Variants in HECA observed in about 807,000 individuals in gnomAD.
HECA encodes headcase protein homolog.
In HECA, 13 loss-of-function variants were observed where a neutral mutation model predicts 37.6. The ratio of observed to expected loss-of-function variants is 0.35; its 90% CI spans 0.23 to 0.55. The LOEUF (loss-of-function observed/expected upper bound fraction) is 0.55, where lower values mean the gene tolerates loss of function less well. Ranked by LOEUF, HECA falls within the 20% of genes least tolerant of loss-of-function variation. The pLI is 0.90. For synonymous variants in HECA, 307 were observed against 291.5 expected, an observed-to-expected ratio of 1.05 and a Z score of -0.54; for missense variants, 527 against 701.9, an observed-to-expected ratio of 0.75 and a Z score of 2.82.
chr6:139,140,593 T>G (rs1454570620), intron 1 of HECA, among the ~76,000 whole-genome samples: 3 of 152,254 alleles, frequency 2.0e-5, no homozygotes, highest in African/African-American at 7.2e-5. Flanking sequence ...AATGTCAATT[T>G]TCCTGTAAGT....
At chr6:139,168,305 T>A (rs1774921845) in intron 2 of HECA, among the ~76,000 whole-genome samples, 1 of 152,174 alleles carries the variant, frequency 6.6e-6, no homozygotes, top group Non-Finnish European at 1.5e-5. Flanking sequence ...TTTACTAATG[T>A]GAATATATAT....
intron 1 of HECA, among the ~76,000 whole-genome samples, chr6:139,141,445 A>C (rs577887503): frequency 1.3e-5 from 2 of 152,306 alleles, no homozygotes; most frequent in Non-Finnish European, 2.9e-5. Context: ...TCATTCCACT[A>C]TTGTTTACCT....
chr6:139,180,799 CT>C lies in HECA; in HGVS notation c.*3695del, dbSNP rs1288573250. 6.6e-6 allele frequency: 1 copy of C among 152,534 alleles called. No homozygotes were observed. The highest frequency in any genetic ancestry group is 1.5e-5 in the Non-Finnish European group (1 of 68,008). The allele number at this position is 152,534 out of a possible 1,614,324, so 9.4% of individuals were successfully genotyped here. A position where few individuals can be genotyped will look rare whatever the true frequency, so the allele number is the denominator to read the frequency against. On this transcript the variant is annotated 3_prime_UTR_variant, in exon 4 of 4. Transcript: ENST00000367658. ...ATTAAAAATAATAAAATTCCAGAAA[CT>C]AACATTGTACTCTGTCTTTAGTTTG...
Position 139,166,994 on chromosome 6 carries a change from G to A in HECA, c.982G>A (p.Gly328Arg). The change falls in exon 2 of 4, where the codon GGG becomes AGG. Residue 328 changes from glycine (G) to arginine (R), a missense_variant. Gly to Arg is a moderately radical substitution (Grantham distance 125). Around this residue, in one of 4 missense-constraint regions of HECA, gnomAD observed 228 missense variants for 259.8 expected, o/e 0.88. Transcript: ENST00000367658. Reference protein sequence around the residue: ...RNAHFDYSPAGLAVHRGGHFD... With the variant: ...RNAHFDYSPARLAVHRGGHFD... ...TGCCCACTTTGATTACAGCCCTGCG[G>A]GGTTGGCAGTTCACAGGGGGGGACA... is the stretch of plus-strand genomic sequence containing the variant. 1 of 1,614,222 alleles carries A rather than the reference G, an allele frequency of 6.2e-7. No homozygotes were observed. The highest frequency in any genetic ancestry group is 1.1e-5 in the South Asian group (1 of 91,088).
At position 139,135,405 on chromosome 6, in the gene HECA, C is replaced by G; in HGVS notation, c.9C>G (p.Asn3Lys). Reference sequence around the variant, plus strand: ...GGACGCGAGCGAGCGAGATGCCCAACCCCAAAAACAGCAAAGGCGGCCGCA... The same window carrying G: ...GGACGCGAGCGAGCGAGATGCCCAAGCCCAAAAACAGCAAAGGCGGCCGCA... MP[N>K]PKNSKGGRKN... The change falls in exon 1 of 4, where the codon AAC (asparagine) becomes AAG (lysine). Residue 3 changes from asparagine to lysine, a missense_variant. Coordinates refer to ENST00000367658, the MANE Select transcript of HECA (RefSeq NM_016217.3). 1 of 1,390,464 alleles carries G rather than the reference C, an allele frequency of 7.2e-7. No homozygotes were observed. The highest frequency in any genetic ancestry group is 9.5e-7 in the Non-Finnish European group (1 of 1,052,084). The allele number at this position is 1,390,464 out of a possible 1,614,324, so 86.1% of individuals were successfully genotyped here. A position where few individuals can be genotyped will look rare whatever the true frequency, so the allele number is the denominator to read the frequency against.
chr6:139,138,849 A>G (rs774444780), intron 1 of HECA, among the ~76,000 whole-genome samples: 2 of 152,226 alleles, frequency 1.3e-5, no homozygotes. Flanking sequence ...AGACCACCCC[A>G]TCTTTTTCCT....
Position 139,166,761 on chromosome 6 carries a change from C to G in HECA, c.749C>G (p.Ser250Cys), listed in dbSNP as rs777706849. ...CGGCATTCCATGGACCGGCAGAACT[C>G]CCAGGAGAAGGCAGTGGGTGCCGCA... is the stretch of plus-strand genomic sequence containing the variant. ...PRRHSMDRQN[S>C]QEKAVGAAAY... The change falls in exon 2 of 4, where the codon TCC becomes TGC. Residue 250 changes from serine to cysteine, a missense_variant. Coordinates refer to ENST00000367658, the MANE Select transcript of HECA (RefSeq NM_016217.3). 6.2e-7 allele frequency: 1 copy of G among 1,613,778 alleles called. No homozygotes were observed. Among genetic ancestry groups the G allele is most frequent in the Non-Finnish European group, 8.5e-7 (1 of 1,179,916 alleles).
chr6:139,149,419 AG>A (rs1774625274), intron 1 of HECA, among the ~76,000 whole-genome samples: 2 of 152,236 alleles, frequency 1.3e-5, no homozygotes, highest in Non-Finnish European at 2.9e-5. Context: ...TGTTTGGAAA[AG>A]CAAATCGTTG....
chr6:139,143,859 CA>C (rs59382752), intron 1 of HECA, among the ~76,000 whole-genome samples: 4,902 of 134,940 alleles, frequency 0.036, 42 homozygotes, highest in African/African-American at 0.049. Flanking sequence ...GACTCTGTCT[CA>C]AAAAAAAAAA....
intron 1 of HECA, among the ~76,000 whole-genome samples, chr6:139,143,663 C>G (rs1473456372): frequency 6.6e-6 from 1 of 151,986 alleles, no homozygotes; most frequent in African/African-American, 2.4e-5. Context: ...GAGATCGAGA[C>G]CACCCTGGCC....
rs1465492875 is a variant in HECA at position 139,135,633 on chromosome 6, C to T, written c.237C>T (p.Ala79=). ...CTGGCGCCGCGAACGCTGCGGCCGC[C>T]GCGGGGGCTGCGGCCGCGGGCGATG... ...AGTGAANAAA[A]AGAAAAGDAK... Residue 79 remains alanine (A), a synonymous_variant, in exon 1 of 4, where the codon GCC becomes GCT. Transcript: ENST00000367658. 6.2e-5 allele frequency: 60 copies of T among 971,852 alleles called. No individual in the cohort carries two copies. Among genetic ancestry groups the T allele is most frequent in the Non-Finnish European group, 6.3e-5 (52 of 819,720 alleles). 60.2% of individuals were successfully genotyped at this position (971,852 alleles called of 1,614,324 possible).
At chr6:139,174,269 T>C (rs1775020554) in intron 2 of HECA, 116 bp from the exon 3 acceptor site, 5 of 1,225,992 alleles carry the variant, frequency 4.1e-6, no homozygotes, top group Non-Finnish European at 5.6e-6. Flanking sequence ...CTTTTTATAT[T>C]TATCCAAATG....
intron 1 of HECA, among the ~76,000 whole-genome samples, chr6:139,164,701 G>A (rs1024389431): frequency 1.3e-5 from 2 of 152,074 alleles, no homozygotes; most frequent in African/African-American, 4.8e-5. Flanking sequence ...TTGTAGAAAT[G>A]CCAAGACACA....
intron 1 of HECA, among the ~76,000 whole-genome samples, chr6:139,137,475 A>G (rs1016301151): frequency 3.9e-5 from 6 of 152,108 alleles, no homozygotes; most frequent in Non-Finnish European, 7.4e-5. Flanking sequence ...GCTTTCGTTT[A>G]TTCATTTAAA....
chr6:139,138,678 G>C (rs1052538991), intron 1 of HECA, among the ~76,000 whole-genome samples: 13 of 152,146 alleles, frequency 8.5e-5, no homozygotes, highest in African/African-American at 3.1e-4. Flanking sequence ...TGGGGAAGCC[G>C]CGGTATAGTT....
At chr6:139,154,780 G>A (rs1412820369) in intron 1 of HECA, among the ~76,000 whole-genome samples, 1 of 152,172 alleles carries the variant, frequency 6.6e-6, no homozygotes, top group Non-Finnish European at 1.5e-5. Flanking sequence ...TAATTTACAT[G>A]GTAAATGAAA....
In HECA at chr6:139,166,390, C is replaced by T; in HGVS notation, c.378C>T (p.Ser126=). ...GCAACAACGAGCACTGCCCCTGCAG[C>T]ACCTGGATGCACCTGCAGTGCTTCT... ...VVCNNEHCPC[S]TWMHLQCFYE... is the part of the protein sequence containing the mutation. Residue 126 remains serine (S), a synonymous_variant, in exon 2 of 4, where the codon AGC becomes AGT. Coordinates refer to ENST00000367658, the MANE Select transcript of HECA (RefSeq NM_016217.3). 1 of 1,614,228 alleles carries T rather than the reference C, an allele frequency of 6.2e-7. No homozygotes were observed. Among genetic ancestry groups the T allele is most frequent in the Non-Finnish European group, 8.5e-7 (1 of 1,180,028 alleles).
chr6:139,169,103 A>G (rs1295876326), intron 2 of HECA, among the ~76,000 whole-genome samples: 2 of 152,142 alleles, frequency 1.3e-5, no homozygotes, highest in Non-Finnish European at 2.9e-5. Flanking sequence ...TTGGCTCTAT[A>G]AACTTACCAT....
rs911983079 is a variant in HECA, at chr6:139,177,573, C to T, written c.*468C>T. 2 of 153,528 alleles carry T rather than the reference C, an allele frequency of 1.3e-5. No individual in the cohort carries two copies. The highest frequency in any genetic ancestry group is 2.4e-5 in the African/African-American group (1 of 41,480). 9.5% of individuals were successfully genotyped at this position (153,528 alleles called of 1,614,324 possible). Reference sequence around the variant, plus strand: ...GAGCTAATAGTGCATTAGTCTATCTCAGCCTAGTGTTCTGCAGCACACATG... The same window carrying T: ...GAGCTAATAGTGCATTAGTCTATCTTAGCCTAGTGTTCTGCAGCACACATG... On this transcript the variant is annotated 3_prime_UTR_variant, in exon 4 of 4. Coordinates refer to ENST00000367658, the MANE Select transcript of HECA (RefSeq NM_016217.3). This position sits in a 1 kb window ranked among gnomAD's most constrained non-coding sequence, Gnocchi z 4.9.
Sources: allele counts gnomAD v4.1 joint callset (sites outside exome capture counted in the v4.1 genomes callset), GRCh38; gene constraint gnomAD v4.1.1; regional missense constraint gnomAD v4.1.1; non-coding constraint Gnocchi (gnomAD v3.1); transcripts MANE v1.5; gene names NCBI Gene and HGNC (gene_info 2026-07-23, HGNC 2026-07-21).